UNC13C: variants seen among roughly 807,000 people sequenced by gnomAD.
UNC13C encodes unc-13 homolog C.
A neutral mutation model predicts 245.4 loss-of-function variants in UNC13C; 174 were observed. The ratio of observed to expected loss-of-function variants is 0.71; its 90% CI spans 0.63 to 0.80. The LOEUF is 0.80. Ranked by LOEUF, UNC13C falls within the 30% of genes least tolerant of loss-of-function variation. UNC13C has a pLI of 0.00. For missense variants in UNC13C, 2,829 were observed against 2,602.9 expected (o/e 1.09, Z -1.89); for synonymous variants, 992 against 895.1 (o/e 1.11, Z -1.93).
chr15:54,254,643 T>C (rs2036233473), intron 8 of UNC13C, among the ~76,000 whole-genome samples: 1 of 152,216 alleles, frequency 6.6e-6, no homozygotes, highest in Non-Finnish European at 1.5e-5. Flanking sequence ...TCTACTGCTT[T>C]GGCTGAGTTC....
At chr15:54,373,944 T>C (rs1460689754) in intron 17 of UNC13C, among the ~76,000 whole-genome samples, 2 of 151,844 alleles carry the variant, frequency 1.3e-5, no homozygotes, top group Admixed American at 6.6e-5. Flanking sequence ...CTCCTATCCA[T>C]AGGCAGGCCA....
the UNC13C span, among the ~76,000 whole-genome samples, chr15:53,880,473 T>C: frequency 6.0e-4 from 91 of 152,296 alleles, no homozygotes; most frequent in Non-Finnish European, 9.7e-4. Flanking sequence ...CAAAGAGCAC[T>C]GTGTGCAGTG....
intron 30 of UNC13C, among the ~76,000 whole-genome samples, chr15:54,585,456 A>G (rs1329909563): frequency 6.6e-6 from 1 of 152,194 alleles, no homozygotes; most frequent in Non-Finnish European, 1.5e-5. Context: ...AGTCTGCACA[A>G]CTATGAGTCA....
intron 14 of UNC13C, among the ~76,000 whole-genome samples, chr15:54,324,235 C>T (rs755768713): frequency 3.4e-4 from 52 of 152,054 alleles, no homozygotes; most frequent in Admixed American, 2.0e-3. Flanking sequence ...ACATTGGAAC[C>T]TCAGGTTTTT....
chr15:53,873,793 G>C, the UNC13C span, among the ~76,000 whole-genome samples: 28,142 of 37,312 alleles, frequency 0.75, 9,905 homozygotes, highest in Middle Eastern at 0.85. Flanking sequence ...GATCCATGCT[G>C]TAGTGTAATC....
At chr15:54,531,223 C>T (rs1421403305) in intron 25 of UNC13C, among the ~76,000 whole-genome samples, 2 of 152,008 alleles carry the variant, frequency 1.3e-5, no homozygotes, top group African/African-American at 4.8e-5. Context: ...ATTTGAGAAC[C>T]ACCAGTATAT....
At chr15:54,277,883 G>C (rs1050816427) in intron 10 of UNC13C, among the ~76,000 whole-genome samples, 8 of 152,144 alleles carry the variant, frequency 5.3e-5, no homozygotes, top group Non-Finnish European at 2.9e-5. Flanking sequence ...GGGAAATTAA[G>C]TAGCTGATAA....
the UNC13C span, among the ~76,000 whole-genome samples, chr15:53,874,741 G>A: frequency 5.3e-5 from 8 of 152,090 alleles, no homozygotes; most frequent in Non-Finnish European, 8.8e-5. Context: ...GGTACTGCTG[G>A]TACCACTCAC....
chr15:54,627,152 T>TGACTA lies in UNC13C; in HGVS notation c.*40_*44dup. The TGACTA allele has an allele frequency of 6.4e-7, 1 of 1,560,196 alleles. No individual in the cohort carries two copies. Among genetic ancestry groups the TGACTA allele is most frequent in the Non-Finnish European group, 8.7e-7 (1 of 1,151,786 alleles). On this transcript the variant is annotated 3_prime_UTR_variant, in exon 33 of 33. Transcript: ENST00000260323. ...AGCTAAATACATAACTATAATTGTTTGACTACTGCATGCATGTGCAAATAC... is the reference window on the plus strand; with the variant it reads ...AGCTAAATACATAACTATAATTGTTTGACTAGACTACTGCATGCATGTGCAAATAC...
intron 17 of UNC13C, among the ~76,000 whole-genome samples, chr15:54,367,098 A>G (rs146218171): frequency 3.3e-5 from 5 of 152,282 alleles, no homozygotes; most frequent in Admixed American, 2.6e-4. Flanking sequence ...ATTTAAATCT[A>G]TTAGTATTAA....
chr15:53,876,819 C>T, the UNC13C span, among the ~76,000 whole-genome samples: 1 of 151,936 alleles, frequency 6.6e-6, no homozygotes, highest in Non-Finnish European at 1.5e-5. Flanking sequence ...AAAGCAAAAC[C>T]ACAAATAAAT....
intron 19 of UNC13C, among the ~76,000 whole-genome samples, chr15:54,488,369 G>A (rs548545834): frequency 6.6e-6 from 1 of 152,196 alleles, no homozygotes; most frequent in African/African-American, 2.4e-5. Flanking sequence ...ACCTATTAGA[G>A]CTAGAGCAGT....
chr15:53,877,487 G>T, the UNC13C span, among the ~76,000 whole-genome samples: 1 of 152,118 alleles, frequency 6.6e-6, no homozygotes, highest in African/African-American at 2.4e-5. Context: ...AAATTAAAGA[G>T]AAAGGGCTTT....
chr15:54,429,951 A>G (rs2040839332), intron 19 of UNC13C, among the ~76,000 whole-genome samples: 1 of 151,704 alleles, frequency 6.6e-6, no homozygotes, highest in Non-Finnish European at 1.5e-5. Context: ...TGCATATGGT[A>G]CATCAAAATG....
At chr15:54,455,205 C>CTCTATATATATATA (rs1388065398) in intron 19 of UNC13C, among the ~76,000 whole-genome samples, 26 of 18,918 alleles carry the variant, frequency 1.4e-3, no homozygotes, top group South Asian at 4.2e-3. Flanking sequence ...CTCTCTCTCT[C>CTCTATATATATATA]TATATATATA....
In UNC13C at chr15:54,060,761, A is replaced by C. The variant is rs549073610; in HGVS notation, c.2983+44875A>C. Among the ~76,000 whole-genome samples the C allele has an allele frequency of 2.1e-3, 326 of 152,318 alleles. 2 individuals are homozygous for C. The highest frequency in any genetic ancestry group is 2.9e-3 in the Non-Finnish European group (197 of 68,032). ...AGACTGGATTAAGAAAATGTGGCAC[A>C]TATACACCATGGAATACTATGCAGC... On this transcript the variant is annotated intron_variant, in intron 2 of 32. Transcript: ENST00000260323.
In UNC13C at chr15:54,537,642, A is replaced by G. The variant is rs557149226; in HGVS notation, c.5696+4576A>G. On this transcript the variant is annotated intron_variant, in intron 26 of 32. Coordinates refer to ENST00000260323, the MANE Select transcript of UNC13C (RefSeq NM_001080534.3). ...TACTGGTACAAAAACAGACACATAG[A>G]CCAATGAAACAGATTAGAGAACCCA... Among the ~76,000 whole-genome samples, 206 of 152,216 alleles carry G rather than the reference A, an allele frequency of 1.4e-3. 1 individual carries two copies. Among genetic ancestry groups the G allele is most frequent in the African/African-American group, 4.8e-3 (200 of 41,548 alleles).
chr15:53,939,370 G>A, the UNC13C span, among the ~76,000 whole-genome samples: 25 of 152,030 alleles, frequency 1.6e-4, no homozygotes, highest in African/African-American at 2.2e-4. Context: ...AAAAAACCCC[G>A]GGACCCGATG....
intron 30 of UNC13C, among the ~76,000 whole-genome samples, chr15:54,598,918 T>C (rs951282404): frequency 6.6e-6 from 1 of 152,152 alleles, no homozygotes; most frequent in African/African-American, 2.4e-5. Context: ...TTTTGTTTAT[T>C]TCTGTAACCT....
Sources: gnomAD v4.1 joint callset for allele counts (sites outside exome capture counted in the v4.1 genomes callset) on GRCh38, gnomAD v4.1.1 for gene constraint, MANE v1.5 for transcripts, NCBI Gene and HGNC (gene_info 2026-07-23, HGNC 2026-07-21) for gene names.